The following NWD2 variants were observed in gnomAD, a reference collection of about 807,000 sequenced individuals.
The protein encoded by NWD2 is NACHT and WD repeat domain-containing protein 2.
Under a neutral mutation model 132.7 loss-of-function variants are expected in NWD2, and 37 were observed. The ratio of observed to expected loss-of-function variants is 0.28; its 90% CI spans 0.21 to 0.37. The LOEUF (loss-of-function observed/expected upper bound fraction) is 0.37, where lower values mean the gene tolerates loss of function less well. Among genes scored for constraint, NWD2 ranks in the 10% least tolerant of loss-of-function variants. The probability of loss-of-function intolerance (pLI) is 1.00; values close to 1 mark genes in which losing one functional copy is unlikely to be tolerated. For missense variants in NWD2, 1,592 were observed against 2,122.4 expected, an observed-to-expected ratio of 0.75 and a Z score of 4.91; for synonymous variants, 705 against 803.0, an observed-to-expected ratio of 0.88 and a Z score of 2.06.
chr4:37,446,622 A>G lies in NWD2; in HGVS notation c.4634A>G (p.Asp1545Gly), dbSNP rs761294097. The stretch of plus-strand genomic sequence containing the variant: ...AAGCTAGGCATTATAGCCAGGGGAG[A>G]TGAAAACATCAATGTGCTAGATTTA... ...NGKLGIIARG[D>G]ENINVLDLYS... The change falls in exon 7 of 7, where the codon GAT (aspartate) becomes GGT (glycine). Residue 1545 changes from aspartate to glycine, a missense_variant. Coordinates refer to ENST00000309447, the MANE Select transcript of NWD2 (RefSeq NM_001144990.2). This position sits in a 1 kb window ranked among gnomAD's most constrained non-coding sequence, Gnocchi z 6.7. The G allele has an allele frequency of 1.2e-5, 18 of 1,551,626 alleles. No individual in the cohort carries two copies. The South Asian group carries it at 1.8e-4, about 15-fold the overall frequency.
At chr4:37,369,145 A>T (rs1720163015) in intron 3 of NWD2, among the ~76,000 whole-genome samples, 1 of 152,180 alleles carries the variant, frequency 6.6e-6, no homozygotes, top group Non-Finnish European at 1.5e-5. Flanking sequence ...TTAAATATAC[A>T]CACTGAAACA....
chr4:37,410,808 G>A (rs1369066378), intron 3 of NWD2, among the ~76,000 whole-genome samples: 1 of 152,194 alleles, frequency 6.6e-6, no homozygotes, highest in Non-Finnish European at 1.5e-5. Context: ...TCAGACCACA[G>A]TGTAATCAAA....
chr4:37,435,986 G>C (rs1157968190), intron 5 of NWD2, among the ~76,000 whole-genome samples: 1 of 152,092 alleles, frequency 6.6e-6, no homozygotes, highest in Admixed American at 6.6e-5. Flanking sequence ...CCTGTTAAAG[G>C]TGTATTGTTT....
chr4:37,314,873 C>G (rs1464009980), intron 1 of NWD2, among the ~76,000 whole-genome samples: 1 of 151,952 alleles, frequency 6.6e-6, no homozygotes, highest in Non-Finnish European at 1.5e-5. Flanking sequence ...TGATTTTAAC[C>G]TTTACTTTTA....
intron 1 of NWD2, among the ~76,000 whole-genome samples, chr4:37,306,647 G>C (rs1454758873): frequency 6.6e-6 from 1 of 152,074 alleles, no homozygotes; most frequent in Non-Finnish European, 1.5e-5. Context: ...TATTGTTGTA[G>C]TATGAAAAGA....
chr4:37,337,164 T>A (rs979802184), intron 2 of NWD2, among the ~76,000 whole-genome samples: 1 of 152,216 alleles, frequency 6.6e-6, no homozygotes, highest in Non-Finnish European at 1.5e-5. Flanking sequence ...TGCATTTGCC[T>A]GCTGTATTAA....
intron 3 of NWD2, among the ~76,000 whole-genome samples, chr4:37,363,246 TG>T (rs1345597204): frequency 6.6e-6 from 1 of 152,154 alleles, no homozygotes; most frequent in Non-Finnish European, 1.5e-5. Flanking sequence ...AAAAGCAGTT[TG>T]GAGATTTCTG....
chr4:37,395,794 T>G (rs1720780383), intron 3 of NWD2, among the ~76,000 whole-genome samples: 1 of 150,746 alleles, frequency 6.6e-6, no homozygotes, highest in Admixed American at 6.6e-5. Context: ...GAGCAAAAAC[T>G]CCAGCCTGTT....
At chr4:37,377,301 A>AT (rs1285207258) in intron 3 of NWD2, among the ~76,000 whole-genome samples, 2 of 152,106 alleles carry the variant, frequency 1.3e-5, no homozygotes, top group Admixed American at 6.6e-5. Flanking sequence ...AGAGAAGATA[A>AT]TTTTTTTTGA....
intron 1 of NWD2, among the ~76,000 whole-genome samples, chr4:37,252,870 A>G (rs1214071452): frequency 2.0e-5 from 3 of 152,210 alleles, no homozygotes; most frequent in African/African-American, 7.2e-5. Context: ...GCATTCTGTC[A>G]TCAGTGCAAG....
chr4:37,347,302 A>T (rs2109297138), intron 2 of NWD2, among the ~76,000 whole-genome samples: 1 of 152,224 alleles, frequency 6.6e-6, no homozygotes, highest in East Asian at 1.9e-4. Flanking sequence ...TAGGTAGATT[A>T]TTTCATAGAC....
At chr4:37,363,445 C>T (rs533929800) in intron 3 of NWD2, among the ~76,000 whole-genome samples, 1 of 152,262 alleles carries the variant, frequency 6.6e-6, no homozygotes, top group South Asian at 2.1e-4. Context: ...CCATGGAATA[C>T]TACACAGCCA....
chr4:37,326,874 A>G (rs940007137), intron 2 of NWD2, among the ~76,000 whole-genome samples: 1 of 152,186 alleles, frequency 6.6e-6, no homozygotes, highest in African/African-American at 2.4e-5. Context: ...CCTCCCAGAT[A>G]AATATTTTAT....
chr4:37,273,251 T>A (rs1386461254), intron 1 of NWD2, among the ~76,000 whole-genome samples: 1 of 151,644 alleles, frequency 6.6e-6, no homozygotes, highest in Non-Finnish European at 1.5e-5. Flanking sequence ...TTGCTTCTGA[T>A]AAGAAGTGAG....
intron 1 of NWD2, among the ~76,000 whole-genome samples, chr4:37,265,228 A>G (rs1030072092): frequency 6.6e-6 from 1 of 152,150 alleles, no homozygotes; most frequent in Non-Finnish European, 1.5e-5. Context: ...TCTAATATTT[A>G]CTGCAGTAAA....
At chr4:37,396,095 C>T (rs1720787506) in intron 3 of NWD2, among the ~76,000 whole-genome samples, 1 of 152,190 alleles carries the variant, frequency 6.6e-6, no homozygotes, top group South Asian at 2.1e-4. Flanking sequence ...GCTGGTTGTA[C>T]AAATTTAAGC....
intron 3 of NWD2, among the ~76,000 whole-genome samples, chr4:37,426,368 T>G (rs1296466721): frequency 6.6e-6 from 1 of 152,200 alleles, no homozygotes; most frequent in Admixed American, 6.5e-5. Flanking sequence ...CTGTAGCATA[T>G]TATTACTTTT....
intron 2 of NWD2, among the ~76,000 whole-genome samples, chr4:37,353,789 C>A (rs1231937134): frequency 1.3e-5 from 2 of 152,036 alleles, no homozygotes; most frequent in African/African-American, 2.4e-5. Flanking sequence ...TGGGTTGGAA[C>A]ATGCTCCTTT....
At chr4:37,325,384 T>G (rs1719148432) in intron 1 of NWD2, among the ~76,000 whole-genome samples, 1 of 152,260 alleles carries the variant, frequency 6.6e-6, no homozygotes, top group East Asian at 1.9e-4. Context: ...GCCAATTGAA[T>G]CTACAGTGGG....
Sources: gnomAD v4.1 joint callset for allele counts (sites outside exome capture counted in the v4.1 genomes callset) on GRCh38, gnomAD v4.1.1 for gene constraint, Gnocchi (gnomAD v3.1) non-coding constraint, MANE v1.5 for transcripts, NCBI Gene and HGNC (gene_info 2026-07-23, HGNC 2026-07-21) for gene names.